Variants in XDH observed in about 807,000 individuals in gnomAD.
XDH encodes the protein xanthine dehydrogenase/oxidase.
In XDH, 138 loss-of-function variants were observed where a neutral mutation model predicts 156.1. That is an observed-to-expected ratio of 0.88 (90% CI 0.77 to 1.02). The LOEUF is 1.02. Ranked by LOEUF, XDH falls within the 50% of genes least tolerant of loss-of-function variation. The pLI is 0.00. For missense variants in XDH, 1,849 were observed against 1,684.9 expected, an observed-to-expected ratio of 1.10 and a Z score of -1.71; for synonymous variants, 669 against 625.7, an observed-to-expected ratio of 1.07 and a Z score of -1.03.
At position 31,371,890 on chromosome 2, in the gene XDH, C is replaced by G. The variant is rs563207500; in HGVS notation, c.1856+338G>C. On this transcript the variant is annotated intron_variant, in intron 17 of 35. Transcript: ENST00000379416. Reference sequence around the variant, plus strand: ...AGCAGGGTATGTGTCTAACGCCCACCAGGAAGTGAAGTTCACACTCTCTGG... The same window carrying G: ...AGCAGGGTATGTGTCTAACGCCCACGAGGAAGTGAAGTTCACACTCTCTGG... 7.7e-4 allele frequency among the ~76,000 whole-genome samples: 118 copies of G among 152,304 alleles called. 1 individual carries two copies. Among genetic ancestry groups the G allele is most frequent in the Non-Finnish European group, 1.1e-3 (72 of 68,026 alleles).
chr2:31,355,493 T>C (rs1209919818), intron 24 of XDH, among the ~76,000 whole-genome samples: 12 of 151,916 alleles, frequency 7.9e-5, no homozygotes, highest in Non-Finnish European at 1.5e-5. Context: ...ATAATATAAA[T>C]GGGAAAGGGC....
chr2:31,408,585 C>T (rs915817021), intron 1 of XDH, among the ~76,000 whole-genome samples: 2 of 152,152 alleles, frequency 1.3e-5, no homozygotes, highest in African/African-American at 4.8e-5. Flanking sequence ...AACAAACAAA[C>T]AAATGGAAGA....
chr2:31,345,278 G>T (rs1685251047), intron 30 of XDH, among the ~76,000 whole-genome samples: 1 of 151,922 alleles, frequency 6.6e-6, no homozygotes, highest in Non-Finnish European at 1.5e-5. Context: ...CCCCTCCTTG[G>T]TGAACTCTCC....
chr2:31,366,150 C>G, intron 21 of XDH, 41 bp from the exon 22 acceptor site: 1 of 1,614,180 alleles, frequency 6.2e-7, no homozygotes, highest in South Asian at 1.1e-5. Context: ...AATGCATTAC[C>G]TGAACTTATT....
chr2:31,357,680 G>A (rs12478183), intron 24 of XDH, among the ~76,000 whole-genome samples: 71,577 of 151,342 alleles, frequency 0.47, 18,279 homozygotes, highest in Non-Finnish European at 0.57. Context: ...ATAATTTATC[G>A]TATATTTAAA....
At chr2:31,412,088 C>A (rs1687357744) in intron 1 of XDH, among the ~76,000 whole-genome samples, 1 of 152,198 alleles carries the variant, frequency 6.6e-6, no homozygotes, top group African/African-American at 2.4e-5. Flanking sequence ...CCAGATTCTT[C>A]CAGGTGCCAC....
intron 17 of XDH, among the ~76,000 whole-genome samples, chr2:31,371,310 T>A (rs1241719839): frequency 6.6e-6 from 1 of 152,240 alleles, no homozygotes; most frequent in Non-Finnish European, 1.5e-5. Context: ...CTGAAAGTAC[T>A]TATCCTAATT....
chr2:31,359,207 T>A (rs1685709823), intron 24 of XDH, among the ~76,000 whole-genome samples: 1 of 152,118 alleles, frequency 6.6e-6, no homozygotes, highest in Non-Finnish European at 1.5e-5. Context: ...AATGGTGTAG[T>A]CACTCAGGAA....
In XDH at chr2:31,404,211, G is replaced by A. The variant is rs1237703367; in HGVS notation, c.101-1067C>T. 4.6e-5 allele frequency among the ~76,000 whole-genome samples: 7 copies of A among 152,102 alleles called. No individual in the cohort carries two copies. The South Asian group carries it at 1.2e-3, about 27-fold the overall frequency. ...AGACTGGGTGAGCTCCCTTCATCACGCTCCTTCCTCCCCAGCACACCTGGG... is the reference window on the plus strand; with the variant it reads ...AGACTGGGTGAGCTCCCTTCATCACACTCCTTCCTCCCCAGCACACCTGGG... On this transcript the variant is annotated intron_variant, in intron 2 of 35. Coordinates refer to ENST00000379416, the MANE Select transcript of XDH (RefSeq NM_000379.4).
At chr2:31,364,363 C>A in intron 23 of XDH, 119 bp from the exon 24 acceptor site, 1 of 1,027,336 alleles carries the variant, frequency 9.7e-7, no homozygotes, top group African/African-American at 1.6e-5. Context: ...AACACCACAT[C>A]ATCCCGTGAA....
intron 16 of XDH, among the ~76,000 whole-genome samples, chr2:31,373,412 A>G (rs1160811034): frequency 6.6e-6 from 1 of 152,232 alleles, no homozygotes; most frequent in Non-Finnish European, 1.5e-5. Context: ...CTTTTGTGCT[A>G]CAATGACAGA....
chr2:31,340,687 C>G (rs1479025091), intron 33 of XDH, among the ~76,000 whole-genome samples: 1 of 152,128 alleles, frequency 6.6e-6, no homozygotes, highest in Non-Finnish European at 1.5e-5. Context: ...CCAAGCTGGT[C>G]TCGAACTCCT....
chr2:31,345,187 C>T (rs1223119005), intron 30 of XDH, among the ~76,000 whole-genome samples: 1 of 152,168 alleles, frequency 6.6e-6, no homozygotes, highest in Admixed American at 6.5e-5. Flanking sequence ...ACCTCTGCAC[C>T]TTTATTTATG....
intron 33 of XDH, among the ~76,000 whole-genome samples, chr2:31,340,357 A>T (rs1428162962): frequency 6.6e-6 from 1 of 152,240 alleles, no homozygotes; most frequent in African/African-American, 2.4e-5. Flanking sequence ...AGATTTTCGT[A>T]TACTCAGTAG....
chr2:31,359,552 G>C (rs376109549), intron 24 of XDH, among the ~76,000 whole-genome samples: 11 of 152,232 alleles, frequency 7.2e-5, no homozygotes, highest in Admixed American at 7.2e-4. Flanking sequence ...TGGCTATCAA[G>C]ACCACCAGTG....
At chr2:31,397,865 C>G (rs1361870838) in intron 5 of XDH, 136 bp from the exon 6 acceptor site, 1 of 943,186 alleles carries the variant, frequency 1.1e-6, no homozygotes, top group Non-Finnish European at 1.7e-6. Flanking sequence ...TGGAAGGCCT[C>G]TTGGCCTTCT....
intron 4 of XDH, among the ~76,000 whole-genome samples, chr2:31,400,320 G>A (rs578000263): frequency 5.3e-4 from 78 of 146,900 alleles, no homozygotes; most frequent in Admixed American, 1.7e-3. Flanking sequence ...CTCACTGCAA[G>A]CTCCATCTCC....
Position 31,375,524 on chromosome 2 carries a change from C to G in XDH, c.1458G>C (p.Val486=). The part of the protein sequence containing the change: ...KLWKEELLQD[V]CAGLAEELHL... ...GCAGCTCCTCTGCCAGTCCTGCACA[C>G]ACGTCCTGCAGCAGCTCCTCCTTCC... The change falls in exon 15 of 36, where the codon GTG becomes GTC. Residue 486 remains valine (V), a synonymous_variant. Coordinates refer to ENST00000379416, the MANE Select transcript of XDH (RefSeq NM_000379.4). 1 of 1,613,892 alleles carries G rather than the reference C, an allele frequency of 6.2e-7. No homozygotes were observed. The highest frequency in any genetic ancestry group is 8.5e-7 in the Non-Finnish European group (1 of 1,180,038).
chr2:31,411,638 A>G (rs1165209681), intron 1 of XDH, among the ~76,000 whole-genome samples: 1 of 152,164 alleles, frequency 6.6e-6, no homozygotes, highest in Non-Finnish European at 1.5e-5. Flanking sequence ...TTACTACAGG[A>G]TTTCTCAAAG....
Sources: gnomAD v4.1 joint callset for allele counts (sites outside exome capture counted in the v4.1 genomes callset) on GRCh38, gnomAD v4.1.1 for gene constraint, MANE v1.5 for transcripts, NCBI Gene and HGNC (gene_info 2026-07-23, HGNC 2026-07-21) for gene names.